Variants in ARL9 observed in about 807,000 individuals in gnomAD.
ARL9 encodes ARF like GTPase 9.
Under a neutral mutation model 27.0 loss-of-function variants are expected in ARL9, and 14 were observed. The observed-to-expected ratio is 0.52, with a 90% confidence interval of 0.34 to 0.81. ARL9 has a LOEUF of 0.81. Among genes scored for constraint, ARL9 ranks in the 30% least tolerant of loss-of-function variants. The pLI is 0.01. For synonymous variants in ARL9, 106 were observed against 108.7 expected (o/e 0.98, Z 0.15); for missense variants, 294 against 290.0 (o/e 1.01, Z -0.10).
intron 1 of ARL9, chr4:56,506,785 G>GTTGT (rs1721474789): frequency 1.2e-5 from 3 of 249,376 alleles, no homozygotes; most frequent in Non-Finnish European, 1.6e-5. Flanking sequence ...GATTAACACA[G>GTTGT]TTGTGTGTGT....
chr4:56,511,238 T>G lies in ARL9; in HGVS notation c.333T>G (p.Ser111Arg). Residue 111 changes from serine (S) to arginine (R), a missense_variant, in exon 2 of 4, where the codon AGT (serine) becomes AGG (arginine). By Grantham distance (110) the Ser-to-Arg change is moderately radical. Coordinates refer to ENST00000640821, the MANE Select transcript of ARL9 (RefSeq NM_001363794.2). ...VLGLDGAGKT[S>R]VLHSLASNRV... Reference sequence around the variant, plus strand: ...GCCTGGATGGAGCAGGAAAAACCAGTGTCCTGCACTCTCTAGCTTCAAACA... The same window carrying G: ...GCCTGGATGGAGCAGGAAAAACCAGGGTCCTGCACTCTCTAGCTTCAAACA... 3 of 1,612,750 alleles carry G rather than the reference T, an allele frequency of 1.9e-6. No homozygotes were observed. Among genetic ancestry groups the G allele is most frequent in the Non-Finnish European group, 2.5e-6 (3 of 1,179,218 alleles).
At position 56,505,890 on chromosome 4, in the gene ARL9, G is replaced by A; in HGVS notation, c.28G>A (p.Glu10Lys). The A allele has an allele frequency of 2.4e-6, 3 of 1,259,702 alleles. No homozygotes were observed. The highest frequency in any genetic ancestry group is 3.4e-5 in the South Asian group (1 of 29,694). The allele number at this position is 1,259,702 out of a possible 1,614,324, so 78.0% of individuals were successfully genotyped here. A position where few individuals can be genotyped will look rare whatever the true frequency, so the allele number is the denominator to read the frequency against. ...GGAGAGGGGGAAAGTGAAGAAGAAA[G>A]AGAAGGAAAAGGAGACGCAGGAGGA... is the stretch of plus-strand genomic sequence containing the variant. MERGKVKKK[E>K]KEKETQEEKI... is the part of the protein sequence containing the mutation. Residue 10 changes from glutamate (E) to lysine (K), a missense_variant, in exon 1 of 4, where the codon GAG (glutamate) becomes AAG (lysine). Transcript: ENST00000640821.
At chr4:56,506,307 G>C (rs1056135171) in intron 1 of ARL9, among the ~76,000 whole-genome samples, 166 bp downstream of exon 1, 3 of 152,108 alleles carry the variant, frequency 2.0e-5, no homozygotes, top group Non-Finnish European at 4.4e-5. Flanking sequence ...AACTTTGAAC[G>C]ACCCATCCCC....
chr4:56,506,786 TTGTGTGTGTGTGTG>T (rs138908292), intron 1 of ARL9: 51 of 181,690 alleles, frequency 2.8e-4, no homozygotes, highest in African/African-American at 9.0e-4. Flanking sequence ...ATTAACACAG[TTGTGTGTGTGTGTG>T]TGTGTGTGTG....
At chr4:56,516,022 A>C (rs1721757601) in intron 2 of ARL9, among the ~76,000 whole-genome samples, 3 of 152,192 alleles carry the variant, frequency 2.0e-5, no homozygotes, top group Non-Finnish European at 4.4e-5. Flanking sequence ...AGAAGGATGG[A>C]CTTGTCCTGT....
At chr4:56,521,368 T>C (rs913852668) in intron 3 of ARL9, among the ~76,000 whole-genome samples, 10 of 152,336 alleles carry the variant, frequency 6.6e-5, no homozygotes, top group African/African-American at 2.2e-4. Flanking sequence ...ATGTTATCAT[T>C]TTCTTACTGC....
intron 3 of ARL9, among the ~76,000 whole-genome samples, chr4:56,519,537 G>A (rs1384425788): frequency 6.6e-6 from 1 of 152,094 alleles, no homozygotes; most frequent in African/African-American, 2.4e-5. Context: ...GTGAACCTGG[G>A]AGGCGGAGAT....
chr4:56,520,351 G>A (rs929809484), intron 3 of ARL9, among the ~76,000 whole-genome samples: 4 of 152,168 alleles, frequency 2.6e-5, no homozygotes, highest in Non-Finnish European at 5.9e-5. Context: ...TCAGACACAT[G>A]TTCTGACATG....
chr4:56,518,858 A>G lies in ARL9; in HGVS notation c.618+5A>G, dbSNP rs373400994. 148 of 1,611,614 alleles carry G rather than the reference A, an allele frequency of 9.2e-5. No individual in the cohort carries two copies. Among genetic ancestry groups the G allele is most frequent in the Non-Finnish European group, 1.2e-4 (145 of 1,178,590 alleles). ...GTTGTGTTTGCAAACAAACAGGTAA[A>G]AATCTGTGCAAATATAAATTGTACT... On this transcript the variant is annotated splice_donor_5th_base_variant and intron_variant, in intron 3 of 3. Transcript: ENST00000640821.
At chr4:56,505,367 C>T (rs1721419693), upstream of ARL9, 2 of 456,988 alleles carry the variant, frequency 4.4e-6, no homozygotes, top group Admixed American at 4.7e-5. Flanking sequence ...TGAGAATCCT[C>T]CCGGAACCTC....
At chr4:56,512,285 A>G (rs1233426503) in intron 2 of ARL9, among the ~76,000 whole-genome samples, 2 of 151,556 alleles carry the variant, frequency 1.3e-5, no homozygotes. Context: ...CTAATTTAAA[A>G]CTCTTCTGTG....
At chr4:56,517,831 T>G (rs1416471965) in intron 2 of ARL9, among the ~76,000 whole-genome samples, 1 of 152,078 alleles carries the variant, frequency 6.6e-6, no homozygotes, top group African/African-American at 2.4e-5. Flanking sequence ...TCATATTAAC[T>G]CAATGCAATA....
At chr4:56,507,291 C>T (rs1261546373) in intron 1 of ARL9, among the ~76,000 whole-genome samples, 1 of 151,982 alleles carries the variant, frequency 6.6e-6, no homozygotes. Flanking sequence ...GGGACAGCAA[C>T]GTGGTTGGAA....
At chr4:56,508,614 G>T (rs1297854402) in intron 1 of ARL9, among the ~76,000 whole-genome samples, 4 of 152,166 alleles carry the variant, frequency 2.6e-5, no homozygotes, top group African/African-American at 9.7e-5. Context: ...TCGAACTCCT[G>T]ACCTCAGGTG....
chr4:56,509,652 AGCCTCCCAGATAGCTGGGATTACAG>A (rs1721574795), intron 1 of ARL9, among the ~76,000 whole-genome samples: 1 of 149,470 alleles, frequency 6.7e-6, no homozygotes, highest in Non-Finnish European at 1.5e-5. Context: ...CTCCTGCCTC[AGCCTCCCAGATAGCTGGGATTACAG>A]GCACCCACCA....
At chr4:56,513,957 T>C (rs546846887) in intron 2 of ARL9, among the ~76,000 whole-genome samples, 2 of 152,160 alleles carry the variant, frequency 1.3e-5, no homozygotes, top group Non-Finnish European at 2.9e-5. Context: ...ATTACTTGAG[T>C]CCAGGAGTTT....
Position 56,518,794 on chromosome 4 carries a change from C to T in ARL9, c.559C>T (p.Leu187Phe). 2 of 1,613,988 alleles carry T rather than the reference C, an allele frequency of 1.2e-6. No homozygotes were observed. Among genetic ancestry groups the T allele is most frequent in the African/African-American group, 2.7e-5 (2 of 75,040 alleles). Residue 187 changes from leucine to phenylalanine, a missense_variant, in exon 3 of 4, where the codon CTT becomes TTT. Coordinates refer to ENST00000640821, the MANE Select transcript of ARL9 (RefSeq NM_001363794.2). ...HSRLPEAKKY[L>F]HQLIAANPVL... ...CCGATTACCTGAAGCCAAGAAATAC[C>T]TTCATCAGCTAATTGCAGCAAACCC... is the stretch of plus-strand genomic sequence containing the variant.
intron 1 of ARL9, among the ~76,000 whole-genome samples, chr4:56,506,996 A>G (rs971403142): frequency 2.6e-5 from 4 of 152,094 alleles, no homozygotes; most frequent in African/African-American, 9.7e-5. Context: ...GAGTTTCGCC[A>G]TGTAGCTCAG....
At chr4:56,523,028 T>A (rs1340265461) in intron 3 of ARL9, among the ~76,000 whole-genome samples, 1 of 152,208 alleles carries the variant, frequency 6.6e-6, no homozygotes, top group East Asian at 1.9e-4. Flanking sequence ...ATTTCTGTTA[T>A]TAAATATAAA....
Sources: allele counts gnomAD v4.1 joint callset (sites outside exome capture counted in the v4.1 genomes callset), GRCh38; gene constraint gnomAD v4.1.1; transcripts MANE v1.5; gene names NCBI Gene and HGNC (gene_info 2026-07-23, HGNC 2026-07-21).